Variants in GLYR1 observed in about 807,000 individuals in gnomAD.
The protein encoded by GLYR1 is cytokine-like nuclear factor N-PAC.
GLYR1 carries 21 observed loss-of-function variants against 72.7 expected under a neutral mutation model. The observed-to-expected ratio is 0.29, with a 90% CI of 0.20 to 0.42. The LOEUF is 0.42. Among genes scored for constraint, GLYR1 ranks in the 10% least tolerant of loss-of-function variants. The pLI is 1.00. For synonymous variants in GLYR1, 392 were observed against 270.2 expected, an observed-to-expected ratio of 1.45 and a Z score of -4.42; for missense variants, 594 against 712.1, an observed-to-expected ratio of 0.83 and a Z score of 1.89.
intron 2 of GLYR1, 134 bp downstream of exon 2, chr16:4,846,040 G>T: frequency 1.1e-6 from 1 of 904,132 alleles, no homozygotes; most frequent in African/African-American, 1.6e-5. Context: ...CGATACTAGG[G>T]GAAAAAAAAT....
chr16:4,836,827 AAAC>A (rs964376824), intron 3 of GLYR1, among the ~76,000 whole-genome samples: 7 of 151,820 alleles, frequency 4.6e-5, no homozygotes, highest in African/African-American at 1.7e-4. Flanking sequence ...AAAAAAAAAA[AAAC>A]AAAACAAATC....
In GLYR1 at chr16:4,814,557, C is replaced by G. The variant is rs2083509390; in HGVS notation, c.997G>C (p.Asp333His). The part of the protein sequence containing the change: ...TCDITFACVS[D>H]PKAAKDLVLG... ...CTTACGTCCTTGGCCGCCTTGGGAT[C>G]CGACACGCAGGCGAAAGTGATGTCG... Residue 333 changes from aspartate (D) to histidine (H), a missense_variant, in exon 11 of 16, where the codon GAT becomes CAT. Physicochemically the swap from Asp to His is moderately conservative, Grantham distance 81. Around this residue, in one of 5 missense-constraint regions of GLYR1, gnomAD observed 266 missense variants for 358.4 expected, o/e 0.74. Coordinates refer to ENST00000321919, the MANE Select transcript of GLYR1 (RefSeq NM_032569.4). 1 of 1,613,646 alleles carries G rather than the reference C, an allele frequency of 6.2e-7. No individual in the cohort carries two copies. Among genetic ancestry groups the G allele is most frequent in the Non-Finnish European group, 8.5e-7 (1 of 1,180,016 alleles).
At chr16:4,812,389 T>G in intron 12 of GLYR1, 141 bp from the exon 13 acceptor site, 2 of 817,882 alleles carry the variant, frequency 2.4e-6, no homozygotes, top group Non-Finnish European at 3.7e-6. Flanking sequence ...CCAAGGTCCT[T>G]TAGCTGACAC....
chr16:4,830,086 G>C (rs1287402518), intron 5 of GLYR1, among the ~76,000 whole-genome samples: 1 of 152,028 alleles, frequency 6.6e-6, no homozygotes, highest in Non-Finnish European at 1.5e-5. Context: ...TTACAGGTGT[G>C]AGCTACCATG....
At chr16:4,819,363 A>C (rs1384141464) in intron 9 of GLYR1, among the ~76,000 whole-genome samples, 10 of 152,026 alleles carry the variant, frequency 6.6e-5, no homozygotes, top group Admixed American at 5.9e-4. Context: ...GCTGGAGTGC[A>C]GGGGGGTGAT....
At chr16:4,824,433 G>A (rs2084245806) in intron 5 of GLYR1, among the ~76,000 whole-genome samples, 1 of 145,480 alleles carries the variant, frequency 6.9e-6, no homozygotes. Flanking sequence ...CGGGGAGGTG[G>A]AAGTTGCAGT....
chr16:4,828,224 C>G (rs1371698771), intron 5 of GLYR1, among the ~76,000 whole-genome samples: 1 of 151,724 alleles, frequency 6.6e-6, no homozygotes, highest in Non-Finnish European at 1.5e-5. Flanking sequence ...CGCCCACCAC[C>G]ATGCCCGGCT....
At chr16:4,835,406 A>G (rs1199577855) in intron 3 of GLYR1, among the ~76,000 whole-genome samples, 2 of 152,228 alleles carry the variant, frequency 1.3e-5, no homozygotes, top group African/African-American at 4.8e-5. Flanking sequence ...CTTTACAACC[A>G]TCTTCGAAAC....
At chr16:4,837,801 T>A (rs113682594) in intron 3 of GLYR1, among the ~76,000 whole-genome samples, 1 of 151,838 alleles carries the variant, frequency 6.6e-6, no homozygotes, top group African/African-American at 2.4e-5. Context: ...TGCGGTGGCA[T>A]GCGCCTGTAA....
rs1407876240 is a variant in GLYR1 at position 4,804,649 on chromosome 16, G to A, written c.*587C>T. ...GGGTGCACACTGGACGCTTAGACGT[G>A]AACATCTTTCTCAGCTCATCACCTG... On this transcript the variant is annotated 3_prime_UTR_variant, in exon 16 of 16. Coordinates refer to ENST00000321919, the MANE Select transcript of GLYR1 (RefSeq NM_032569.4). 1 of 157,084 alleles carries A rather than the reference G, an allele frequency of 6.4e-6. No individual in the cohort carries two copies. Among genetic ancestry groups the A allele is most frequent in the African/African-American group, 2.4e-5 (1 of 41,498 alleles). The allele number at this position is 157,084 out of a possible 1,614,324, so 9.7% of individuals were successfully genotyped here.
intron 10 of GLYR1, among the ~76,000 whole-genome samples, chr16:4,815,956 T>C (rs1216519340): frequency 6.6e-6 from 1 of 151,976 alleles, no homozygotes; most frequent in Non-Finnish European, 1.5e-5. Context: ...TAATTTTTCG[T>C]ATTTTTAGTA....
intron 12 of GLYR1, among the ~76,000 whole-genome samples, chr16:4,813,432 G>A (rs759469014): frequency 9.2e-5 from 14 of 152,316 alleles, no homozygotes; most frequent in Non-Finnish European, 1.8e-4. Context: ...TGCTTTGCCA[G>A]TGTCAAATGC....
At chr16:4,839,774 T>A (rs753672228) in intron 3 of GLYR1, 1 of 152,236 alleles carries the variant, frequency 6.6e-6, no homozygotes, top group Non-Finnish European at 1.5e-5. Flanking sequence ...TCACTGATTA[T>A]CTTGTCATAA....
chr16:4,836,301 C>G (rs1047657659), intron 3 of GLYR1, among the ~76,000 whole-genome samples: 2 of 151,912 alleles, frequency 1.3e-5, no homozygotes, highest in Non-Finnish European at 2.9e-5. Context: ...TGCTCCAGTG[C>G]GTAAGGCTTT....
chr16:4,828,186 C>T (rs1290299844), intron 5 of GLYR1, among the ~76,000 whole-genome samples: 58 of 151,922 alleles, frequency 3.8e-4, no homozygotes, highest in Non-Finnish European at 2.7e-4. Context: ...TCTCCTACCT[C>T]AGCCTCCTGA....
At chr16:4,822,423 C>A (rs932446935) in intron 7 of GLYR1, among the ~76,000 whole-genome samples, 2 of 151,938 alleles carry the variant, frequency 1.3e-5, no homozygotes, top group Non-Finnish European at 2.9e-5. Flanking sequence ...CAGAGTCTTA[C>A]GCTGTTGCCC....
At position 4,812,088 on chromosome 16, in the gene GLYR1, A is replaced by G. The variant is rs778226090; in HGVS notation, c.1280T>C (p.Leu427Pro). Residue 427 changes from leucine (L) to proline (P), a missense_variant and splice_region_variant, in exon 13 of 16, where the codon CTA becomes CCA. Physicochemically the swap from Leu to Pro is moderately conservative, Grantham distance 98. Coordinates refer to ENST00000321919, the MANE Select transcript of GLYR1 (RefSeq NM_032569.4). Reference protein sequence around the residue: ...FQAMGKTSFFLGEVGNAAKMM... With the variant: ...FQAMGKTSFFPGEVGNAAKMM... ...CCTGACAGGTGCAGGCGTGTTACCTAGGAAGAAGGAGGTCTTCCCCATCGC... is the reference window on the plus strand; with the variant it reads ...CCTGACAGGTGCAGGCGTGTTACCTGGGAAGAAGGAGGTCTTCCCCATCGC... 1 of 1,613,210 alleles carries G rather than the reference A, an allele frequency of 6.2e-7. No individual in the cohort carries two copies.
intron 11 of GLYR1, 22 bp downstream of exon 11, chr16:4,814,515 A>C (rs745585283): frequency 1.9e-6 from 3 of 1,585,324 alleles, no homozygotes; most frequent in Middle Eastern, 2.0e-4. Context: ...GGAGTTGCTG[A>C]GGGGAGGGAG....
Position 4,812,234 on chromosome 16 carries a change from C to G in GLYR1, c.1134G>C (p.Arg378Ser), listed in dbSNP as rs201018368. The G allele has an allele frequency of 2.7e-5, 43 of 1,613,114 alleles. No individual in the cohort carries two copies. Among genetic ancestry groups the G allele is most frequent in the Non-Finnish European group, 3.2e-5 (38 of 1,179,848 alleles). Residue 378 changes from arginine to serine, a missense_variant, in exon 13 of 16, where the codon AGG (arginine) becomes AGC (serine). Physicochemically the swap from Arg to Ser is moderately radical, Grantham distance 110. This residue lies in a region of GLYR1 where 266 missense variants were observed against 358.4 expected (regional missense o/e 0.74). Transcript: ENST00000321919. ...CGGGGGCTTCCAGAAAGCGCCCCCC[C>G]CTGGACACAATCACCTGGAAAGAAA... ...VTELAQVIVS[R>S]GGRFLEAPVS...
Sources: gnomAD v4.1 joint callset for allele counts (sites outside exome capture counted in the v4.1 genomes callset) on GRCh38, gnomAD v4.1.1 for gene constraint, gnomAD v4.1.1 regional missense constraint, MANE v1.5 for transcripts, NCBI Gene and HGNC (gene_info 2026-07-23, HGNC 2026-07-21) for gene names.